ST8SIA5: variants seen among roughly 807,000 people sequenced by gnomAD.
ST8SIA5 encodes ST8 alpha-N-acetyl-neuraminide alpha-2,8-sialyltransferase 5.
A neutral mutation model predicts 40.2 loss-of-function variants in ST8SIA5; 24 were observed. That is an observed-to-expected ratio of 0.60 (90% CI 0.43 to 0.84). The LOEUF is 0.84. Among genes scored for constraint, ST8SIA5 ranks in the 40% least tolerant of loss-of-function variants. The probability of loss-of-function intolerance (pLI) is 0.00; values close to 1 mark genes in which losing one functional copy is unlikely to be tolerated. For missense variants in ST8SIA5, 465 were observed against 498.5 expected (o/e 0.93, Z 0.64); for synonymous variants, 198 against 201.8 (o/e 0.98, Z 0.16).
At chr18:46,754,436 G>A (rs1316800635) in intron 1 of ST8SIA5, among the ~76,000 whole-genome samples, 6 of 152,114 alleles carry the variant, frequency 3.9e-5, no homozygotes, top group Non-Finnish European at 8.8e-5. Flanking sequence ...TTCATTTGTG[G>A]CTATTTTGTT....
intron 1 of ST8SIA5, among the ~76,000 whole-genome samples, chr18:46,747,190 C>T (rs977587469): frequency 2.6e-5 from 4 of 152,168 alleles, no homozygotes; most frequent in African/African-American, 9.7e-5. Context: ...ACACCAAAAG[C>T]AATGGCAACA....
intron 1 of ST8SIA5, among the ~76,000 whole-genome samples, chr18:46,751,119 T>C (rs1466496088): frequency 6.6e-6 from 1 of 152,154 alleles, no homozygotes; most frequent in Non-Finnish European, 1.5e-5. Context: ...TCCATACCCA[T>C]TAAAAGATGA....
chr18:46,698,428 T>C (rs2039578527), intron 2 of ST8SIA5, among the ~76,000 whole-genome samples: 1 of 136,476 alleles, frequency 7.3e-6, no homozygotes. Context: ...ATCCCACAAC[T>C]CACCACACCA....
intron 1 of ST8SIA5, among the ~76,000 whole-genome samples, chr18:46,730,980 C>A (rs889787611): frequency 1.3e-5 from 2 of 152,048 alleles, no homozygotes; most frequent in South Asian, 2.1e-4. Flanking sequence ...CAACACCCTG[C>A]GTCTAAAAAA....
At position 46,676,183 on chromosome 18, in the gene ST8SIA5, CG is replaced by C. The variant is rs561384422; in HGVS notation, c.*3858del. 2.8e-4 allele frequency: 42 copies of C among 152,286 alleles called. No individual in the cohort carries two copies. The East Asian group carries it at 7.3e-3, about 27-fold the overall frequency. 9.4% of individuals were successfully genotyped at this position (152,286 alleles called of 1,614,324 possible). On this transcript the variant is annotated 3_prime_UTR_variant, in exon 7 of 7. Coordinates refer to ENST00000315087, the MANE Select transcript of ST8SIA5 (RefSeq NM_013305.6). The stretch of plus-strand genomic sequence containing the variant: ...TTTTATGCTGCCAACCTTCAGAATT[CG>C]GAATTGACTTTGGTCATCCCCTCCT...
chr18:46,711,672 A>AAAG (rs2039734044), intron 1 of ST8SIA5, among the ~76,000 whole-genome samples: 1 of 152,228 alleles, frequency 6.6e-6, no homozygotes, highest in African/African-American at 2.4e-5. Flanking sequence ...TGAAAATTGC[A>AAAG]GCCTGACAAT....
chr18:46,686,816 C>A (rs868461737), intron 4 of ST8SIA5, among the ~76,000 whole-genome samples: 1,044 of 120,098 alleles, frequency 8.7e-3, no homozygotes, highest in Middle Eastern at 0.01. Context: ...CAGAGAAAGG[C>A]AAAAAAAAAA....
At chr18:46,728,898 A>G (rs987275260) in intron 1 of ST8SIA5, among the ~76,000 whole-genome samples, 8 of 152,100 alleles carry the variant, frequency 5.3e-5, no homozygotes. Context: ...GTATCCCAAT[A>G]GCACCACTTG....
Position 46,704,641 on chromosome 18 carries a change from G to A in ST8SIA5, c.155C>T (p.Pro52Leu), listed in dbSNP as rs1407739830. ...IKRYFEFYEG[P>L]FEYNSTRCLE... ...GCATCTTGTGGAGTTATATTCAAAA[G>A]GCCCCTCATAAAATTCAAAGTACCT... is the stretch of plus-strand genomic sequence containing the variant. Residue 52 changes from proline (P) to leucine (L), a missense_variant, in exon 2 of 7, where the codon CCT becomes CTT. Pro to Leu is a moderately conservative substitution (Grantham distance 98). Coordinates refer to ENST00000315087, the MANE Select transcript of ST8SIA5 (RefSeq NM_013305.6). 1.2e-6 allele frequency: 2 copies of A among 1,613,898 alleles called. No individual in the cohort carries two copies. Among genetic ancestry groups the A allele is most frequent in the East Asian group, 2.2e-5 (1 of 44,884 alleles).
At chr18:46,692,329 C>T (rs548029424) in intron 2 of ST8SIA5, 74 bp from the exon 3 acceptor site, 398 of 1,379,492 alleles carry the variant, frequency 2.9e-4, no homozygotes, top group Middle Eastern at 1.7e-3. Context: ...AGAAATGCTC[C>T]CTCCTGATCT....
chr18:46,711,140 T>A (rs1475642087), intron 1 of ST8SIA5, among the ~76,000 whole-genome samples: 1 of 151,974 alleles, frequency 6.6e-6, no homozygotes, highest in Admixed American at 6.6e-5. Context: ...AAAAGCACCA[T>A]TTTCCCCAGA....
rs2039331933 is a variant in ST8SIA5 at position 46,675,111 on chromosome 18, G to A, written c.*4931C>T. On this transcript the variant is annotated 3_prime_UTR_variant, in exon 7 of 7. Transcript: ENST00000315087. ...AGGGCAGTAGCAGAGGGGTTGCAGGGAGGGAATGACTTAAAGGGATGTTTA... is the reference window on the plus strand; with the variant it reads ...AGGGCAGTAGCAGAGGGGTTGCAGGAAGGGAATGACTTAAAGGGATGTTTA... The A allele has an allele frequency of 6.6e-6, 1 of 152,236 alleles. No homozygotes were observed. The highest frequency in any genetic ancestry group is 6.5e-5 in the Admixed American group (1 of 15,274). 9.4% of individuals were successfully genotyped at this position (152,236 alleles called of 1,614,324 possible).
At chr18:46,723,816 C>T (rs2039887452) in intron 1 of ST8SIA5, among the ~76,000 whole-genome samples, 1 of 151,944 alleles carries the variant, frequency 6.6e-6, no homozygotes, top group Non-Finnish European at 1.5e-5. Flanking sequence ...ATCCCAGCTA[C>T]TCAGAAGGCT....
chr18:46,671,681 ACTCTG>A lies in ST8SIA5; in HGVS notation c.*8356_*8360del, dbSNP rs2144441350. 1 of 152,292 alleles carries A rather than the reference ACTCTG, an allele frequency of 6.6e-6. No homozygotes were observed. Among genetic ancestry groups the A allele is most frequent in the East Asian group, 1.9e-4 (1 of 5,180 alleles). The allele number at this position is 152,292 out of a possible 1,614,324, so 9.4% of individuals were successfully genotyped here. On this transcript the variant is annotated 3_prime_UTR_variant, in exon 7 of 7. Transcript: ENST00000315087. ...ACAGATAAATTCTTAATTCAGGCAG[ACTCTG>A]AGGCTCCTAGCCCCGGGAGAAGAAA...
intron 3 of ST8SIA5, 147 bp downstream of exon 3, chr18:46,692,022 C>A (rs1225365438): frequency 1.6e-5 from 12 of 748,552 alleles, no homozygotes; most frequent in Non-Finnish European, 2.5e-5. Flanking sequence ...AGATCTCCCC[C>A]ACTGCCCGGA....
At position 46,674,666 on chromosome 18, in the gene ST8SIA5, G is replaced by C. The variant is rs879123796; in HGVS notation, c.*5376C>G. 6.6e-6 allele frequency: 1 copy of C among 152,260 alleles called. No homozygotes were observed. The allele number at this position is 152,260 out of a possible 1,614,324, so 9.4% of individuals were successfully genotyped here. A position where few individuals can be genotyped will look rare whatever the true frequency, so the allele number is the denominator to read the frequency against. ...GGGGAGAAGGCAAACCTTCTATCAA[G>C]GACACACGGGCCCTTATGCTGTGTG... On this transcript the variant is annotated 3_prime_UTR_variant, in exon 7 of 7. Coordinates refer to ENST00000315087, the MANE Select transcript of ST8SIA5 (RefSeq NM_013305.6).
At position 46,687,309 on chromosome 18, in the gene ST8SIA5, T is replaced by C. The variant is rs1044307025; in HGVS notation, c.457-1023A>G. ...TTGGTTTACTCATGTCTGTAGCTGC[T>C]TTTGTGCTAGAATGATAGAGGTGAG... is the stretch of plus-strand genomic sequence containing the variant. On this transcript the variant is annotated intron_variant, in intron 4 of 6. Coordinates refer to ENST00000315087, the MANE Select transcript of ST8SIA5 (RefSeq NM_013305.6). Among the ~76,000 whole-genome samples, 12 of 152,232 alleles carry C rather than the reference T, an allele frequency of 7.9e-5. 1 individual carries two copies. The highest frequency in any genetic ancestry group is 7.9e-4 in the Admixed American group (12 of 15,278).
At chr18:46,682,249 C>T (rs2039405042) in intron 5 of ST8SIA5, among the ~76,000 whole-genome samples, 185 bp from the exon 6 acceptor site, 1 of 152,244 alleles carries the variant, frequency 6.6e-6, no homozygotes, top group Non-Finnish European at 1.5e-5. Flanking sequence ...GGCACTAGGA[C>T]AGCCAACAGG....
At chr18:46,719,903 A>G (rs1172969289) in intron 1 of ST8SIA5, among the ~76,000 whole-genome samples, 1 of 149,902 alleles carries the variant, frequency 6.7e-6, no homozygotes, top group Non-Finnish European at 1.5e-5. Context: ...CAGTGGCACA[A>G]TCTGAGCTCA....
Sources: gnomAD v4.1 joint callset for allele counts (sites outside exome capture counted in the v4.1 genomes callset) on GRCh38, gnomAD v4.1.1 for gene constraint, MANE v1.5 for transcripts, NCBI Gene and HGNC (gene_info 2026-07-23, HGNC 2026-07-21) for gene names.